The following KCNK9 variants were observed in gnomAD, a reference collection of about 807,000 sequenced individuals.
KCNK9 encodes the protein potassium two pore domain channel subfamily K member 9.
In KCNK9, 1 loss-of-function variant was observed where a neutral mutation model predicts 10.8. The ratio of observed to expected loss-of-function variants is 0.09; its 90% CI spans 0.03 to 0.44. KCNK9 has a LOEUF of 0.44. KCNK9 is among the 20% of genes least tolerant of loss of function. The pLI is 0.97. For synonymous variants in KCNK9, 231 were observed against 222.7 expected (o/e 1.04, Z -0.33); for missense variants, 303 against 515.0 (o/e 0.59, Z 3.98).
intron 1 of KCNK9, among the ~76,000 whole-genome samples, chr8:139,634,482 C>G (rs1433281848): frequency 6.6e-6 from 1 of 152,304 alleles, no homozygotes; most frequent in South Asian, 2.1e-4. Flanking sequence ...GCTGGCCCTG[C>G]AGGATGGCAC....
In KCNK9 at chr8:139,618,711, G is replaced by A. The variant is rs777036788; in HGVS notation, c.672C>T (p.Ser224=). ...LQKKPLYVAF[S]FMYILVGLTV... ...TCAGCCCCACCAGGATATACATAAAGCTAAAGGCCACGTAGAGCGGCTTCT... is the reference window on the plus strand; with the variant it reads ...TCAGCCCCACCAGGATATACATAAAACTAAAGGCCACGTAGAGCGGCTTCT... Residue 224 remains serine (S), a synonymous_variant, in exon 2 of 2, where the codon AGC becomes AGT. Transcript: ENST00000520439. This position sits in a 1 kb window ranked among gnomAD's most constrained non-coding sequence, Gnocchi z 7.9. 7 of 1,614,078 alleles carry A rather than the reference G, an allele frequency of 4.3e-6. No homozygotes were observed. In the South Asian group the frequency reaches 7.7e-5, roughly 18 times the overall value.
chr8:139,665,837 G>A (rs1294692073), intron 1 of KCNK9, among the ~76,000 whole-genome samples: 1 of 152,250 alleles, frequency 6.6e-6, no homozygotes, highest in Non-Finnish European at 1.5e-5. Context: ...TGGCAGGGCT[G>A]AGCCTCCACC....
chr8:139,636,376 G>A (rs1432444623), intron 1 of KCNK9, among the ~76,000 whole-genome samples: 2 of 152,322 alleles, frequency 1.3e-5, no homozygotes, highest in East Asian at 3.9e-4. Context: ...GGCCAGGCTG[G>A]GATGAATGGG....
chr8:139,626,401 G>T (rs1029834146), intron 1 of KCNK9, among the ~76,000 whole-genome samples: 1 of 152,134 alleles, frequency 6.6e-6, no homozygotes, highest in African/African-American at 2.4e-5. Context: ...CCATTACCCC[G>T]CTTACCTGAG....
At chr8:139,691,165 TC>T (rs1816926833) in intron 1 of KCNK9, among the ~76,000 whole-genome samples, 1 of 152,088 alleles carries the variant, frequency 6.6e-6, no homozygotes, top group South Asian at 2.1e-4. Flanking sequence ...ACTGTCCCCA[TC>T]CCTGGAGCTG....
chr8:139,695,266 C>T (rs1817023618), intron 1 of KCNK9, among the ~76,000 whole-genome samples: 1 of 152,234 alleles, frequency 6.6e-6, no homozygotes, highest in South Asian at 2.1e-4. Context: ...AGGACATTAA[C>T]AGAAGTATAT....
intron 1 of KCNK9, among the ~76,000 whole-genome samples, chr8:139,624,670 C>T (rs778187702): frequency 6.6e-6 from 1 of 152,178 alleles, no homozygotes; most frequent in South Asian, 2.1e-4. Flanking sequence ...ACCAACCCCT[C>T]GAGTGGCAGC....
downstream of KCNK9, among the ~76,000 whole-genome samples, chr8:139,610,291 G>A (rs755831328): frequency 2.0e-5 from 3 of 152,200 alleles, no homozygotes; most frequent in Non-Finnish European, 4.4e-5. Flanking sequence ...CCTGGGGGGT[G>A]AGGGGAACAA....
At chr8:139,605,570 C>T (rs549218354) in intron 2 of KCNK9, among the ~76,000 whole-genome samples, 84 of 152,208 alleles carry the variant, frequency 5.5e-4, no homozygotes, top group Admixed American at 3.1e-3. Context: ...GGCAGGAAGA[C>T]GAGGCATCAA....
intron 1 of KCNK9, among the ~76,000 whole-genome samples, chr8:139,696,715 A>ATGGG (rs76650371): frequency 0.39 from 57,762 of 149,630 alleles, 13,928 homozygotes; most frequent in Non-Finnish European, 0.5. Flanking sequence ...GGATGGATGG[A>ATGGG]TGAGTGGGTG....
At chr8:139,661,887 C>A (rs544185927) in intron 1 of KCNK9, among the ~76,000 whole-genome samples, 2 of 152,214 alleles carry the variant, frequency 1.3e-5, no homozygotes, top group Non-Finnish European at 2.9e-5. Context: ...GAGGCTCACT[C>A]CCCTTTCTCT....
intron 1 of KCNK9, among the ~76,000 whole-genome samples, chr8:139,620,443 C>T (rs746063728): frequency 3.9e-5 from 6 of 152,130 alleles, no homozygotes; most frequent in Admixed American, 6.5e-5. Flanking sequence ...ATGGATCCGC[C>T]GAGATCAGAC....
intron 1 of KCNK9, among the ~76,000 whole-genome samples, chr8:139,699,842 G>A (rs1330334375): frequency 6.6e-6 from 1 of 152,222 alleles, no homozygotes; most frequent in Non-Finnish European, 1.5e-5. Context: ...CTGAGAAGAA[G>A]CCTTCATTCG....
intron 1 of KCNK9, among the ~76,000 whole-genome samples, chr8:139,667,516 T>G (rs748695120): frequency 1.7e-4 from 25 of 150,646 alleles, no homozygotes; most frequent in Non-Finnish European, 3.0e-4. Context: ...GCCAACACGG[T>G]GAAACCCCAC....
intron 1 of KCNK9, among the ~76,000 whole-genome samples, chr8:139,683,442 A>T (rs137951914): frequency 1.8e-4 from 27 of 152,256 alleles, no homozygotes; most frequent in Non-Finnish European, 3.2e-4. Context: ...GACTCTTGGG[A>T]CATCCCCAGA....
chr8:139,613,078 T>A (rs1174434020), downstream of KCNK9, among the ~76,000 whole-genome samples: 1 of 152,246 alleles, frequency 6.6e-6, no homozygotes, highest in Non-Finnish European at 1.5e-5. Flanking sequence ...ATTGTATGAA[T>A]GTTTCTTAGG....
chr8:139,616,629 G>T (rs926427914), downstream of KCNK9: 1 of 152,162 alleles, frequency 6.6e-6, no homozygotes, highest in African/African-American at 2.4e-5. Flanking sequence ...CTCTTTCTAG[G>T]GAGCAAAGCC....
chr8:139,643,294 G>A (rs76822848), intron 1 of KCNK9, among the ~76,000 whole-genome samples: 6,194 of 152,156 alleles, frequency 0.041, 489 homozygotes, highest in East Asian at 0.37. Context: ...TGCTGGCCGC[G>A]ACCCCCGCCT....
intron 1 of KCNK9, among the ~76,000 whole-genome samples, chr8:139,654,596 AG>A (rs1331804003): frequency 6.6e-6 from 1 of 152,238 alleles, no homozygotes; most frequent in East Asian, 1.9e-4. Context: ...GGTAGCCCTC[AG>A]GCCACAGCTG....
Sources: gnomAD v4.1 joint callset for allele counts (sites outside exome capture counted in the v4.1 genomes callset) on GRCh38, gnomAD v4.1.1 for gene constraint, Gnocchi (gnomAD v3.1) non-coding constraint, MANE v1.5 for transcripts, NCBI Gene and HGNC (gene_info 2026-07-23, HGNC 2026-07-21) for gene names.